ARHGAP42: variants seen among roughly 807,000 people sequenced by gnomAD.
ARHGAP42 encodes the protein Rho GTPase activating protein 42.
ARHGAP42 carries 63 observed loss-of-function variants against 125.0 expected under a neutral mutation model. The observed-to-expected ratio is 0.50, with a 90% CI of 0.41 to 0.62. ARHGAP42 has a LOEUF of 0.62. Ranked by LOEUF, ARHGAP42 falls within the 20% of genes least tolerant of loss-of-function variation. The pLI, the probability that ARHGAP42 is intolerant of heterozygous loss-of-function variation, is 0.00. For synonymous variants in ARHGAP42, 339 were observed against 351.0 expected, an observed-to-expected ratio of 0.97 and a Z score of 0.38; for missense variants, 766 against 1,024.2, an observed-to-expected ratio of 0.75 and a Z score of 3.44.
chr11:100,809,620 C>T (rs1466856865), intron 3 of ARHGAP42, among the ~76,000 whole-genome samples: 2 of 152,096 alleles, frequency 1.3e-5, no homozygotes, highest in Admixed American at 1.3e-4. Context: ...TGTTTAAATT[C>T]AAAATTGTTT....
intron 8 of ARHGAP42, 121 bp downstream of exon 8, chr11:100,936,453 C>CT (rs79815003): frequency 0.17 from 219,156 of 1,302,170 alleles, 20,344 homozygotes; most frequent in East Asian, 0.22. Context: ...TTTATATCTA[C>CT]TTTCCCCCCA....
intron 1 of ARHGAP42, among the ~76,000 whole-genome samples, chr11:100,755,274 T>G (rs1265249660): frequency 6.6e-6 from 1 of 152,320 alleles, no homozygotes; most frequent in African/African-American, 2.4e-5. Flanking sequence ...GTTCCCAAAC[T>G]TTATTTATCA....
At chr11:100,951,729 T>C (rs1480404636) in intron 12 of ARHGAP42, among the ~76,000 whole-genome samples, 1 of 152,186 alleles carries the variant, frequency 6.6e-6, no homozygotes, top group Non-Finnish European at 1.5e-5. Context: ...TATCCTGCAG[T>C]GTCAGCCACC....
chr11:100,819,193 G>A (rs181302379), intron 3 of ARHGAP42, among the ~76,000 whole-genome samples: 1 of 152,248 alleles, frequency 6.6e-6, no homozygotes, highest in African/African-American at 2.4e-5. Flanking sequence ...GAACGGATCA[G>A]TTTTATTGTT....
intron 4 of ARHGAP42, among the ~76,000 whole-genome samples, chr11:100,908,915 C>G (rs909359307): frequency 6.6e-6 from 1 of 152,098 alleles, no homozygotes; most frequent in African/African-American, 2.4e-5. Context: ...GGTTTTCTGA[C>G]CAGCCATTCT....
At chr11:100,762,937 T>G (rs1236441270) in intron 1 of ARHGAP42, among the ~76,000 whole-genome samples, 1 of 151,878 alleles carries the variant, frequency 6.6e-6, no homozygotes, top group Non-Finnish European at 1.5e-5. Flanking sequence ...GTGTGCATTT[T>G]TAGTACCACG....
At chr11:100,716,591 T>C (rs1362937615) in intron 1 of ARHGAP42, among the ~76,000 whole-genome samples, 1 of 152,026 alleles carries the variant, frequency 6.6e-6, no homozygotes, top group Non-Finnish European at 1.5e-5. Context: ...TGTGGTTTTA[T>C]ATCGTATAGG....
intron 2 of ARHGAP42, among the ~76,000 whole-genome samples, chr11:100,772,748 G>T (rs1456082962): frequency 6.6e-6 from 1 of 152,170 alleles, no homozygotes; most frequent in East Asian, 1.9e-4. Flanking sequence ...CCAGGTAAAA[G>T]CCTAGATTAT....
At chr11:100,947,033 T>G (rs933957220) in intron 10 of ARHGAP42, among the ~76,000 whole-genome samples, 2 of 151,086 alleles carry the variant, frequency 1.3e-5, no homozygotes, top group Non-Finnish European at 3.0e-5. Context: ...TGTGTTCTTA[T>G]GATTTTTAAG....
intron 4 of ARHGAP42, among the ~76,000 whole-genome samples, chr11:100,890,142 G>T (rs966491388): frequency 7.2e-5 from 11 of 152,182 alleles, no homozygotes; most frequent in African/African-American, 2.7e-4. Context: ...CCATTTTGAG[G>T]AATCTGTGGG....
intron 4 of ARHGAP42, among the ~76,000 whole-genome samples, chr11:100,870,836 G>A (rs1417351234): frequency 2.0e-5 from 3 of 151,870 alleles, no homozygotes; most frequent in African/African-American, 7.3e-5. Flanking sequence ...AATGGCAACT[G>A]TCAGTGAGTT....
intron 3 of ARHGAP42, among the ~76,000 whole-genome samples, chr11:100,819,164 G>C (rs1000465017): frequency 5.9e-5 from 9 of 152,242 alleles, no homozygotes; most frequent in African/African-American, 2.2e-4. Context: ...CAGTGGACCT[G>C]GATGAATAAA....
intron 3 of ARHGAP42, among the ~76,000 whole-genome samples, chr11:100,829,687 T>C (rs1864620299): frequency 6.6e-6 from 1 of 152,236 alleles, no homozygotes. Flanking sequence ...CATTTTCCAA[T>C]GGTTAATGAT....
chr11:100,782,529 A>C (rs1324336625), intron 2 of ARHGAP42, among the ~76,000 whole-genome samples: 1 of 152,218 alleles, frequency 6.6e-6, no homozygotes, highest in East Asian at 1.9e-4. Flanking sequence ...CATATGAGCA[A>C]GGAAGAAGAC....
chr11:100,762,112 G>GTTA (rs1862715472), intron 1 of ARHGAP42, among the ~76,000 whole-genome samples: 3 of 152,194 alleles, frequency 2.0e-5, no homozygotes, highest in Admixed American at 1.3e-4. Context: ...ATAAGACATC[G>GTTA]AAAACAGATG....
At chr11:100,811,804 T>C (rs1326887630) in intron 3 of ARHGAP42, among the ~76,000 whole-genome samples, 1 of 151,870 alleles carries the variant, frequency 6.6e-6, no homozygotes, top group Non-Finnish European at 1.5e-5. Context: ...CCAGCCCGGA[T>C]GTCTTGATTT....
intron 1 of ARHGAP42, among the ~76,000 whole-genome samples, chr11:100,757,570 T>A (rs1327517385): frequency 6.6e-6 from 1 of 152,184 alleles, no homozygotes; most frequent in Non-Finnish European, 1.5e-5. Context: ...TCACCAAAAA[T>A]CATCATCTCT....
intron 4 of ARHGAP42, among the ~76,000 whole-genome samples, chr11:100,891,276 T>C (rs1866211725): frequency 6.6e-6 from 1 of 152,182 alleles, no homozygotes; most frequent in Admixed American, 6.5e-5. Context: ...CTTTCTGTCC[T>C]TGTCCCTCCT....
chr11:100,947,995 T>G (rs1591314754), intron 10 of ARHGAP42, among the ~76,000 whole-genome samples: 1 of 152,088 alleles, frequency 6.6e-6, no homozygotes, highest in Non-Finnish European at 1.5e-5. Flanking sequence ...TTGGTTTTAG[T>G]GTCTTTTTAC....
Sources: gnomAD v4.1 joint callset for allele counts (sites outside exome capture counted in the v4.1 genomes callset) on GRCh38, gnomAD v4.1.1 for gene constraint, MANE v1.5 for transcripts, NCBI Gene and HGNC (gene_info 2026-07-23, HGNC 2026-07-21) for gene names.